Variants in NFAT5 observed in about 807,000 individuals in gnomAD.
The protein encoded by NFAT5 is nuclear factor of activated T cells 5.
Under a neutral mutation model 166.5 loss-of-function variants are expected in NFAT5, and 31 were observed. The ratio of observed to expected loss-of-function variants is 0.19; its 90% CI spans 0.14 to 0.25. The LOEUF is 0.25. NFAT5 is among the 10% of genes least tolerant of loss of function. The probability of loss-of-function intolerance (pLI) is 1.00; values close to 1 mark genes in which losing one functional copy is unlikely to be tolerated. For synonymous variants in NFAT5, 612 were observed against 639.7 expected (o/e 0.96, Z 0.65); for missense variants, 1,449 against 1,821.8 (o/e 0.80, Z 3.72).
At chr16:69,684,236 C>T (rs1218151587) in intron 10 of NFAT5, among the ~76,000 whole-genome samples, 2 of 122,874 alleles carry the variant, frequency 1.6e-5, no homozygotes, top group African/African-American at 3.3e-5. Context: ...TCCTCCTGGG[C>T]GACCTAGCGA....
At chr16:69,598,612 C>T (rs1432980810) in intron 2 of NFAT5, among the ~76,000 whole-genome samples, 1 of 152,032 alleles carries the variant, frequency 6.6e-6, no homozygotes, top group East Asian at 1.9e-4. Context: ...TGAACACCTG[C>T]TATGCAACAA....
chr16:69,648,715 G>T, intron 4 of NFAT5: 1 of 974,412 alleles, frequency 1.0e-6, no homozygotes, highest in Non-Finnish European at 1.2e-6. Flanking sequence ...AAAATAATTT[G>T]TTAAAATTTA....
At chr16:69,613,855 T>C (rs1429852393) in intron 2 of NFAT5, among the ~76,000 whole-genome samples, 1 of 152,188 alleles carries the variant, frequency 6.6e-6, no homozygotes, top group African/African-American at 2.4e-5. Context: ...TCAGTGCAGG[T>C]GCTAAATAAA....
At chr16:69,610,439 A>G (rs777892213) in intron 2 of NFAT5, among the ~76,000 whole-genome samples, 2 of 152,206 alleles carry the variant, frequency 1.3e-5, no homozygotes, top group Non-Finnish European at 2.9e-5. Context: ...CACTTAAGGT[A>G]GATGATTTGC....
rs376624071 is a variant in NFAT5, at chr16:69,691,918, C to A, written c.2093C>A (p.Thr698Asn). Residue 698 changes from threonine (T) to asparagine (N), a missense_variant, in exon 13 of 15, where the codon ACC becomes AAC. Physicochemically the swap from Thr to Asn is moderately conservative, Grantham distance 65. Coordinates refer to ENST00000349945, the MANE Select transcript of NFAT5 (RefSeq NM_138713.4). ...CCAGAGACCCTGACAACTATTCAAACCCAGGACATCTCACAGCCTGGTACT... is the reference window on the plus strand; with the variant it reads ...CCAGAGACCCTGACAACTATTCAAAACCAGGACATCTCACAGCCTGGTACT... ...YNPETLTTIQTQDISQPGTFP... is the reference protein window; with the variant it reads ...YNPETLTTIQNQDISQPGTFP... 4.2e-5 allele frequency: 67 copies of A among 1,614,046 alleles called. No homozygotes were observed. The highest frequency in any genetic ancestry group is 5.3e-5 in the Non-Finnish European group (63 of 1,180,038).
intron 2 of NFAT5, among the ~76,000 whole-genome samples, chr16:69,575,996 C>T (rs2016723847): frequency 6.6e-6 from 1 of 151,844 alleles, no homozygotes; most frequent in South Asian, 2.1e-4. Flanking sequence ...TATTGACTGT[C>T]TTAACAGTCA....
intron 2 of NFAT5, among the ~76,000 whole-genome samples, chr16:69,617,053 C>T (rs2033983732): frequency 6.6e-6 from 1 of 151,704 alleles, no homozygotes; most frequent in African/African-American, 2.4e-5. Flanking sequence ...ACGCCATTCT[C>T]CTGCCTCAGC....
At chr16:69,587,500 C>G (rs1454569630) in intron 2 of NFAT5, among the ~76,000 whole-genome samples, 1 of 151,838 alleles carries the variant, frequency 6.6e-6, no homozygotes, top group African/African-American at 2.4e-5. Flanking sequence ...ATCAGTTCTC[C>G]TACCTTAGCC....
chr16:69,649,264 G>T, intron 4 of NFAT5: 2 of 954,596 alleles, frequency 2.1e-6, no homozygotes, highest in Non-Finnish European at 2.5e-6. Context: ...CTTTAGTGGA[G>T]AAAGTCTTTA....
intron 2 of NFAT5, among the ~76,000 whole-genome samples, chr16:69,594,319 TAGTA>T (rs2032658253): frequency 1.3e-5 from 2 of 152,218 alleles, no homozygotes; most frequent in Admixed American, 1.3e-4. Context: ...TGTAACACAA[TAGTA>T]AGTATTTGTG....
chr16:69,599,222 A>AC (rs34705438), intron 2 of NFAT5, among the ~76,000 whole-genome samples: 79,092 of 151,906 alleles, frequency 0.52, 22,109 homozygotes, highest in African/African-American at 0.73. Context: ...TATACTAAAA[A>AC]CACTGAATCA....
chr16:69,574,385 C>T (rs776227410), intron 2 of NFAT5, among the ~76,000 whole-genome samples: 13 of 152,140 alleles, frequency 8.5e-5, no homozygotes, highest in East Asian at 7.7e-4. Flanking sequence ...TTTCAAGTTA[C>T]GCAAAGAAGG....
chr16:69,599,297 C>A (rs1222084005), intron 2 of NFAT5, among the ~76,000 whole-genome samples: 1 of 152,116 alleles, frequency 6.6e-6, no homozygotes, highest in Non-Finnish European at 1.5e-5. Context: ...TGGGAGTTGG[C>A]CAGGCTCAGT....
At chr16:69,567,097 C>G (rs2016110926) in intron 1 of NFAT5, among the ~76,000 whole-genome samples, 1 of 152,142 alleles carries the variant, frequency 6.6e-6, no homozygotes, top group African/African-American at 2.4e-5. Context: ...TGGGGGTGCC[C>G]TCTCTGGATT....
chr16:69,651,814 G>A (rs1282399956), intron 4 of NFAT5, among the ~76,000 whole-genome samples: 2 of 151,928 alleles, frequency 1.3e-5, no homozygotes, highest in African/African-American at 4.8e-5. Context: ...GGGATTACAG[G>A]TGCCTGCCAC....
At chr16:69,669,592 T>C (rs897465935) in intron 7 of NFAT5, among the ~76,000 whole-genome samples, 4 of 152,164 alleles carry the variant, frequency 2.6e-5, no homozygotes, top group Non-Finnish European at 5.9e-5. Context: ...TCAACCTGTA[T>C]TTAACAAAGA....
chr16:69,658,560 G>A (rs138262291), intron 6 of NFAT5, among the ~76,000 whole-genome samples: 2 of 152,174 alleles, frequency 1.3e-5, no homozygotes, highest in East Asian at 3.9e-4. Context: ...CTTGTGGCCT[G>A]GCACAGTGGC....
At chr16:69,588,023 G>T (rs2032205237) in intron 2 of NFAT5, among the ~76,000 whole-genome samples, 2 of 142,920 alleles carry the variant, frequency 1.4e-5, no homozygotes, top group Admixed American at 1.5e-4. Context: ...TATGATTCCG[G>T]CTTACTGCAA....
At chr16:69,662,458 T>TC (rs1404889228) in intron 7 of NFAT5, among the ~76,000 whole-genome samples, 1 of 142,660 alleles carries the variant, frequency 7.0e-6, no homozygotes, top group East Asian at 2.0e-4. Flanking sequence ...TTCTTTTTTT[T>TC]TTTTTTTTTT....
Sources: allele counts gnomAD v4.1 joint callset (sites outside exome capture counted in the v4.1 genomes callset), GRCh38; gene constraint gnomAD v4.1.1; transcripts MANE v1.5; gene names NCBI Gene and HGNC (gene_info 2026-07-23, HGNC 2026-07-21).